Variants in LSM14A observed in about 807,000 individuals in gnomAD.
The protein encoded by LSM14A is LSM14A mRNA processing body assembly factor, also known as protein LSM14 homolog A.
LSM14A carries 14 observed loss-of-function variants against 52.4 expected under a neutral mutation model. The ratio of observed to expected loss-of-function variants is 0.27; its 90% confidence interval spans 0.18 to 0.42. The LOEUF (loss-of-function observed/expected upper bound fraction) is 0.42. Among genes scored for constraint, LSM14A ranks in the 10% least tolerant of loss-of-function variants. LSM14A has a pLI of 1.00. For missense variants in LSM14A, 417 were observed against 581.8 expected, an observed-to-expected ratio of 0.72 and a Z score of 2.91; for synonymous variants, 185 against 200.3, an observed-to-expected ratio of 0.92 and a Z score of 0.64.
chr19:34,172,828 C>T (rs2068796378), intron 1 of LSM14A, 65 bp downstream of exon 1: 1 of 1,473,716 alleles, frequency 6.8e-7, no homozygotes. Flanking sequence ...CTCCCCGCTC[C>T]GGCCCGCGGC....
chr19:34,208,689 A>G, intron 3 of LSM14A: 1 of 363,584 alleles, frequency 2.8e-6, no homozygotes, highest in Non-Finnish European at 5.0e-6. Flanking sequence ...TGTGTTATAA[A>G]CATTGCTTGC....
intron 4 of LSM14A, among the ~76,000 whole-genome samples, chr19:34,212,616 A>T (rs1348333562): frequency 6.6e-6 from 1 of 152,228 alleles, no homozygotes; most frequent in African/African-American, 2.4e-5. Flanking sequence ...ACAAAATTAA[A>T]ATTCCTAGAA....
chr19:34,181,691 C>T (rs1197008050), intron 1 of LSM14A, among the ~76,000 whole-genome samples: 1 of 152,132 alleles, frequency 6.6e-6, no homozygotes, highest in African/African-American at 2.4e-5. Context: ...GTTATCTCCC[C>T]TTTTCTCTCT....
At chr19:34,204,588 A>G (rs893502406) in intron 3 of LSM14A, among the ~76,000 whole-genome samples, 3 of 151,354 alleles carry the variant, frequency 2.0e-5, no homozygotes, top group East Asian at 1.9e-4. Context: ...GTGTGGTTGT[A>G]CATACCTGTA....
At chr19:34,176,744 G>A (rs1286962106) in intron 1 of LSM14A, among the ~76,000 whole-genome samples, 3 of 152,184 alleles carry the variant, frequency 2.0e-5, no homozygotes, top group Non-Finnish European at 4.4e-5. Context: ...GAACATTTCT[G>A]TTTAAGTGCA....
In LSM14A at chr19:34,217,605, T is replaced by TC. The variant is rs371434451; in HGVS notation, c.782-1775dup. ...ATTTATATATATATATATTTTTATATCCCCCCCCCCCGTGTTTTTTTTTTT... is the reference window on the plus strand; with the variant it reads ...ATTTATATATATATATATTTTTATATCCCCCCCCCCCCGTGTTTTTTTTTTT... On this transcript the variant is annotated intron_variant, in intron 6 of 9. Transcript: ENST00000544216. Among the ~76,000 whole-genome samples the TC allele has an allele frequency of 2.7e-3, 150 of 55,506 alleles. 2 individuals carry two copies. The highest frequency in any genetic ancestry group is 0.016 in the East Asian group (20 of 1,240). The allele number at this position is 55,506 out of a possible 152,430, so 36.4% of individuals were successfully genotyped here. A position where few individuals can be genotyped will look rare whatever the true frequency, so the allele number is the denominator to read the frequency against.
rs2145831400 is a variant in LSM14A at position 34,215,303 on chromosome 19, A to ACAC, written c.715+3_715+4insCAC. On this transcript the variant is annotated splice_donor_region_variant and intron_variant, in intron 5 of 9. Transcript: ENST00000544216. ...AGAGAATCAGGAGCACAGGCGAGGTAGAACTTTAGCTGTTTACTGTTCCTT... is the reference window on the plus strand; with the variant it reads ...AGAGAATCAGGAGCACAGGCGAGGTACACGAACTTTAGCTGTTTACTGTTCCTT... 2 of 1,607,050 alleles carry ACAC rather than the reference A, an allele frequency of 1.2e-6. No individual in the cohort carries two copies. The highest frequency in any genetic ancestry group is 1.7e-6 in the Non-Finnish European group (2 of 1,177,184).
At chr19:34,192,390 A>ATC (rs1027164580) in intron 1 of LSM14A, among the ~76,000 whole-genome samples, 15 of 124,140 alleles carry the variant, frequency 1.2e-4, no homozygotes, top group African/African-American at 4.5e-4. Flanking sequence ...CAGGAGCGCC[A>ATC]TCTTGGCTCA....
chr19:34,194,458 A>T lies in LSM14A; in HGVS notation c.122-20A>T. The T allele has an allele frequency of 3.7e-6, 6 of 1,612,116 alleles. No individual in the cohort carries two copies. The highest frequency in any genetic ancestry group is 5.1e-6 in the Non-Finnish European group (6 of 1,178,392). ...TGTGATGAGTAGTCACACATCTCAT[A>T]TCCTTTGTTTTCTTGCCAGTTCGAT... On this transcript the variant is annotated intron_variant, in intron 1 of 9. Coordinates refer to ENST00000544216, the MANE Select transcript of LSM14A (RefSeq NM_015578.4).
chr19:34,200,544 T>C (rs520194), intron 3 of LSM14A, among the ~76,000 whole-genome samples: 104,960 of 152,014 alleles, frequency 0.69, 36,946 homozygotes, highest in African/African-American at 0.81. Flanking sequence ...GAAAAATGTG[T>C]ATATTAAGGT....
At chr19:34,200,078 A>C (rs1415793276) in intron 3 of LSM14A, among the ~76,000 whole-genome samples, 3 of 152,238 alleles carry the variant, frequency 2.0e-5, no homozygotes, top group Non-Finnish European at 4.4e-5. Flanking sequence ...GGCAAAACAT[A>C]ATATCACCTT....
chr19:34,207,989 T>C (rs2071833469), intron 3 of LSM14A, among the ~76,000 whole-genome samples: 1 of 152,182 alleles, frequency 6.6e-6, no homozygotes, highest in Admixed American at 6.5e-5. Flanking sequence ...AGGGGCATGA[T>C]TGTAATCTTC....
chr19:34,215,049 G>T, intron 4 of LSM14A, 75 bp from the exon 5 acceptor site: 2 of 1,259,276 alleles, frequency 1.6e-6, no homozygotes, highest in Non-Finnish European at 2.2e-6. Context: ...TAAAACTCTG[G>T]ACAATTTTTT....
intron 1 of LSM14A, among the ~76,000 whole-genome samples, chr19:34,175,241 T>G (rs2068998820): frequency 6.6e-6 from 1 of 152,034 alleles, no homozygotes; most frequent in Non-Finnish European, 1.5e-5. Flanking sequence ...TTTTTTTTTT[T>G]TCTTTTTGAG....
At chr19:34,215,833 TG>T (rs1568496680) in intron 6 of LSM14A, among the ~76,000 whole-genome samples, 172 bp downstream of exon 6, 1 of 152,146 alleles carries the variant, frequency 6.6e-6, no homozygotes, top group Non-Finnish European at 1.5e-5. Context: ...TTGATTGTGG[TG>T]GTAGTTTTGC....
intron 2 of LSM14A, among the ~76,000 whole-genome samples, chr19:34,195,971 G>T (rs1036159953): frequency 6.6e-6 from 1 of 152,188 alleles, no homozygotes; most frequent in African/African-American, 2.4e-5. Context: ...TGAACACACA[G>T]AAAAGGTCCT....
chr19:34,193,927 T>C (rs1387649565), intron 1 of LSM14A, among the ~76,000 whole-genome samples: 1 of 152,122 alleles, frequency 6.6e-6, no homozygotes, highest in Non-Finnish European at 1.5e-5. Flanking sequence ...TCCCAGCACA[T>C]TGAGAGGCTA....
Position 34,190,716 on chromosome 19 carries a change from G to C in LSM14A, c.122-3762G>C, listed in dbSNP as rs376232748. 3.3e-5 allele frequency among the ~76,000 whole-genome samples: 5 copies of C among 152,146 alleles called. No individual in the cohort carries two copies. In the East Asian group the frequency reaches 9.6e-4, roughly 29 times the overall value. On this transcript the variant is annotated intron_variant, in intron 1 of 9. Coordinates refer to ENST00000544216, the MANE Select transcript of LSM14A (RefSeq NM_015578.4). Reference sequence around the variant, plus strand: ...GTTTGTTACACTTTGTAACTTTGTAGTCTTTTCCAGAACTATTTCTATTCT... The same window carrying C: ...GTTTGTTACACTTTGTAACTTTGTACTCTTTTCCAGAACTATTTCTATTCT...
chr19:34,185,851 G>C (rs1017851523), intron 1 of LSM14A, among the ~76,000 whole-genome samples: 2 of 152,166 alleles, frequency 1.3e-5, no homozygotes, highest in Admixed American at 1.3e-4. Context: ...TGGTTTCCTG[G>C]TTTGCTGCTT....
Sources: allele counts gnomAD v4.1 joint callset (sites outside exome capture counted in the v4.1 genomes callset), GRCh38; gene constraint gnomAD v4.1.1; transcripts MANE v1.5; gene names NCBI Gene and HGNC (gene_info 2026-07-23, HGNC 2026-07-21).